Variants in STK32B observed in about 807,000 individuals in gnomAD.
STK32B encodes the protein serine/threonine kinase 32B.
A neutral mutation model predicts 52.6 loss-of-function variants in STK32B; 43 were observed. That is an observed-to-expected ratio of 0.82 (90% CI 0.64 to 1.05). The LOEUF is 1.05. Among genes scored for constraint, STK32B ranks in the 50% least tolerant of loss-of-function variants. The pLI is 0.00. For synonymous variants in STK32B, 238 were observed against 204.3 expected (o/e 1.17, Z -1.41); for missense variants, 621 against 534.6 (o/e 1.16, Z -1.59).
chr4:5,117,611 A>G (rs1010377369), intron 1 of STK32B, among the ~76,000 whole-genome samples: 2 of 152,056 alleles, frequency 1.3e-5, no homozygotes, highest in Non-Finnish European at 2.9e-5. Flanking sequence ...ATGAGTTCTT[A>G]TAATTGGTTT....
At chr4:5,408,247 A>G (rs113120587) in intron 5 of STK32B, among the ~76,000 whole-genome samples, 165 of 152,226 alleles carry the variant, frequency 1.1e-3, no homozygotes, top group Middle Eastern at 3.4e-3. Context: ...TCTCATGTCA[A>G]ATGGTAATCT....
At position 5,079,481 on chromosome 4, in the gene STK32B, A is replaced by C. The variant is rs149322324; in HGVS notation, c.52+27566A>C. Among the ~76,000 whole-genome samples, 360 of 152,302 alleles carry C rather than the reference A, an allele frequency of 2.4e-3. 1 individual carries two copies. Among genetic ancestry groups the C allele is most frequent in the African/African-American group, 8.3e-3 (343 of 41,564 alleles). On this transcript the variant is annotated intron_variant, in intron 1 of 11. Coordinates refer to ENST00000282908, the MANE Select transcript of STK32B (RefSeq NM_018401.3). ...TAAAGTTTTGCTCATTAAGAAGGCA[A>C]AATTTCAATCTCATTGGTTTAAATG...
intron 1 of STK32B, among the ~76,000 whole-genome samples, chr4:5,129,983 C>G (rs1449275724): frequency 6.6e-6 from 1 of 152,116 alleles, no homozygotes; most frequent in Non-Finnish European, 1.5e-5. Context: ...ACTCAGTCCT[C>G]AAGGAGTTGA....
intron 5 of STK32B, among the ~76,000 whole-genome samples, chr4:5,408,584 T>G (rs1332933711): frequency 1.3e-5 from 2 of 152,110 alleles, no homozygotes; most frequent in Admixed American, 6.5e-5. Flanking sequence ...AACAAACTAA[T>G]GCACCCTCCT....
chr4:5,398,070 C>T lies in STK32B; in HGVS notation c.435-137C>T. The T allele has an allele frequency of 2.5e-6, 2 of 814,744 alleles. No homozygotes were observed. Among genetic ancestry groups the T allele is most frequent in the East Asian group, 2.5e-5 (1 of 39,906 alleles). The allele number at this position is 814,744 out of a possible 1,614,324, so 50.5% of individuals were successfully genotyped here. On this transcript the variant is annotated intron_variant, in intron 4 of 11. Transcript: ENST00000282908. This position sits in a 1 kb window ranked among gnomAD's most constrained non-coding sequence, Gnocchi z 4.9. The stretch of plus-strand genomic sequence containing the variant: ...CATTATCTTACCAATTATTCTCCCA[C>T]TCCATGTCTGAGGCTTCAGGTCAGG...
intron 3 of STK32B, among the ~76,000 whole-genome samples, chr4:5,205,269 C>A (rs1328200833): frequency 3.9e-5 from 6 of 152,140 alleles, no homozygotes; most frequent in Admixed American, 1.3e-4. Context: ...ACAACACTAG[C>A]TTTTCTGGTG....
At position 5,487,366 on chromosome 4, in the gene STK32B, T is replaced by C. The variant is rs187663785; in HGVS notation, c.1107-11579T>C. On this transcript the variant is annotated intron_variant, in intron 11 of 11. Transcript: ENST00000282908. The stretch of plus-strand genomic sequence containing the variant: ...GTTAGGAGACTTGGCATCACAAAGA[T>C]TGGAGAGGCAGTAAGAGCAAAGTTT... Among the ~76,000 whole-genome samples, 401 of 152,290 alleles carry C rather than the reference T, an allele frequency of 2.6e-3. 5 individuals are homozygous for C. The highest frequency in any genetic ancestry group is 9.1e-3 in the African/African-American group (379 of 41,556).
At chr4:5,428,176 C>A (rs551087047) in intron 6 of STK32B, among the ~76,000 whole-genome samples, 6 of 151,886 alleles carry the variant, frequency 4.0e-5, no homozygotes, top group Non-Finnish European at 8.8e-5. Context: ...GGGAGGCCGA[C>A]GCGGGCGGAT....
At chr4:5,116,266 C>T (rs939394207) in intron 1 of STK32B, among the ~76,000 whole-genome samples, 1 of 152,136 alleles carries the variant, frequency 6.6e-6, no homozygotes, top group Admixed American at 6.5e-5. Context: ...GTGACCTGGG[C>T]AGTCACACAG....
intron 2 of STK32B, among the ~76,000 whole-genome samples, chr4:5,154,574 A>G (rs1717640167): frequency 1.3e-5 from 2 of 152,282 alleles, no homozygotes; most frequent in African/African-American, 4.8e-5. Context: ...GGTGGGTTCT[A>G]GAAGGATCTG....
intron 11 of STK32B, among the ~76,000 whole-genome samples, chr4:5,485,602 C>T (rs925968322): frequency 2.6e-5 from 4 of 152,214 alleles, no homozygotes; most frequent in Admixed American, 2.6e-4. Context: ...AAGTCATTCT[C>T]CCTCCAGCTT....
chr4:5,304,423 G>T (rs1270690775), intron 3 of STK32B, among the ~76,000 whole-genome samples: 51 of 137,380 alleles, frequency 3.7e-4, no homozygotes, highest in African/African-American at 6.9e-4. Flanking sequence ...GTATTTTATG[G>T]TTTTTTTTTT....
At chr4:5,333,763 G>A (rs1275677625) in intron 4 of STK32B, among the ~76,000 whole-genome samples, 2 of 151,980 alleles carry the variant, frequency 1.3e-5, no homozygotes, top group East Asian at 3.9e-4. Context: ...TTTTTCTCAG[G>A]TTTGTCAAAG....
chr4:5,146,756 C>T (rs1716946398), intron 2 of STK32B, among the ~76,000 whole-genome samples: 1 of 152,162 alleles, frequency 6.6e-6, no homozygotes, highest in Admixed American at 6.5e-5. Context: ...CTTCTGTACT[C>T]TCGGTTTTGT....
At chr4:5,426,621 C>T (rs73064498) in intron 6 of STK32B, among the ~76,000 whole-genome samples, 2,893 of 128,542 alleles carry the variant, frequency 0.023, 84 homozygotes, top group African/African-American at 0.071. Flanking sequence ...GGCCAGGAGG[C>T]GGAGGTTGCA....
chr4:5,487,180 A>C (rs1229661692), intron 11 of STK32B, among the ~76,000 whole-genome samples: 1 of 152,202 alleles, frequency 6.6e-6, no homozygotes, highest in African/African-American at 2.4e-5. Context: ...CAGGGAAGAT[A>C]TGTGGGTCTT....
At position 5,470,729 on chromosome 4, in the gene STK32B, C is replaced by G. The variant is rs545060168; in HGVS notation, c.1106+2659C>G. On this transcript the variant is annotated intron_variant, in intron 11 of 11. Coordinates refer to ENST00000282908, the MANE Select transcript of STK32B (RefSeq NM_018401.3). This position sits in a 1 kb window ranked among gnomAD's most constrained non-coding sequence, Gnocchi z 4.6. ...AAAAAATGCCTATGAGAAGTTGATT[C>G]ATGACTCATGATTGCCTCAAAACAA... Among the ~76,000 whole-genome samples the G allele has an allele frequency of 2.6e-5, 4 of 152,332 alleles. No homozygotes were observed. The South Asian group carries it at 6.2e-4, about 24-fold the overall frequency.
intron 1 of STK32B, among the ~76,000 whole-genome samples, chr4:5,053,102 G>T (rs563508469): frequency 6.6e-6 from 1 of 152,342 alleles, no homozygotes; most frequent in East Asian, 1.9e-4. Context: ...TCAGATGCCT[G>T]CCTGGACAGC....
At chr4:5,494,080 A>C (rs1399133709) in intron 11 of STK32B, among the ~76,000 whole-genome samples, 1 of 152,190 alleles carries the variant, frequency 6.6e-6, no homozygotes, top group Non-Finnish European at 1.5e-5. Flanking sequence ...AGAGTTCTGT[A>C]GATGTCTATT....
Sources: allele counts gnomAD v4.1 joint callset (sites outside exome capture counted in the v4.1 genomes callset), GRCh38; gene constraint gnomAD v4.1.1; non-coding constraint Gnocchi (gnomAD v3.1); transcripts MANE v1.5; gene names NCBI Gene and HGNC (gene_info 2026-07-23, HGNC 2026-07-21).